MEGF6: variants seen among roughly 807,000 people sequenced by gnomAD.
The protein encoded by MEGF6 is multiple epidermal growth factor-like domains protein 6.
In MEGF6, 184 loss-of-function variants were observed where a neutral mutation model predicts 207.1. The ratio of observed to expected loss-of-function variants is 0.89; its 90% confidence interval spans 0.79 to 1.00. MEGF6 has a LOEUF of 1.00. MEGF6 is among the 50% of genes least tolerant of loss of function. MEGF6 has a pLI of 0.00. For synonymous variants in MEGF6, 1,038 were observed against 910.0 expected (o/e 1.14, Z -2.53); for missense variants, 2,282 against 2,202.9 (o/e 1.04, Z -0.72).
In MEGF6 at chr1:3,514,607, C is replaced by G; in HGVS notation, c.796G>C (p.Ala266Pro). Residue 266 changes from alanine to proline, a missense_variant, in exon 7 of 37, where the codon GCC becomes CCC. Transcript: ENST00000356575. ...MHRCQVVRGLARCECHVGYQL... is the reference protein window; with the variant it reads ...MHRCQVVRGLPRCECHVGYQL... ...TAGCCCACGTGGCACTCACAGCGGG[C>G]GAGGCCCCGGACCACCTGGCACCTG... 1.3e-6 allele frequency: 2 copies of G among 1,579,816 alleles called. No individual in the cohort carries two copies. The highest frequency in any genetic ancestry group is 1.7e-6 in the Non-Finnish European group (2 of 1,165,236).
chr1:3,529,169 C>T (rs1052459215), intron 4 of MEGF6, among the ~76,000 whole-genome samples: 3 of 152,180 alleles, frequency 2.0e-5, no homozygotes, highest in Non-Finnish European at 4.4e-5. Context: ...GCTGCCTACA[C>T]ACAGACCATG....
intron 1 of MEGF6, among the ~76,000 whole-genome samples, chr1:3,605,165 C>T (rs1644225032): frequency 6.6e-6 from 1 of 151,732 alleles, no homozygotes; most frequent in East Asian, 1.9e-4. Context: ...CAGTCACATA[C>T]ACCCTTACTC....
Position 3,511,689 on chromosome 1 carries a change from T to C in MEGF6, c.977-2A>G. On this transcript the variant is annotated splice_acceptor_variant, in intron 8 of 36. Transcript: ENST00000356575. LOFTEE classifies it high-confidence loss of function. ...TGTTCACGATTTCCATCTCAATCCCTGCCGTGAGACCAGCCACCCAGGGTA... is the reference window on the plus strand; with the variant it reads ...TGTTCACGATTTCCATCTCAATCCCCGCCGTGAGACCAGCCACCCAGGGTA... The C allele has an allele frequency of 2.5e-6, 4 of 1,602,202 alleles. No homozygotes were observed. The South Asian group carries it at 4.4e-5, about 18-fold the overall frequency.
At position 3,509,910 on chromosome 1, in the gene MEGF6, C is replaced by T. The variant is rs1308978074; in HGVS notation, c.1317G>A (p.Glu439=). 1 of 1,563,990 alleles carries T rather than the reference C, an allele frequency of 6.4e-7. No individual in the cohort carries two copies. Among genetic ancestry groups the T allele is most frequent in the South Asian group, 1.2e-5 (1 of 85,208 alleles). ...NLAGSFQCSC[E]AGYRLHEDRR... is the part of the protein sequence containing the mutation. ...GGTCCTCGTGCAGCCGGTAGCCGGC[C>T]TCGCAGGAGCACTGGAAGGAGCCGG... Residue 439 remains glutamate (E), a synonymous_variant, in exon 11 of 37, where the codon GAG becomes GAA. Transcript: ENST00000356575.
At chr1:3,535,522 T>C (rs953911370) in intron 4 of MEGF6, among the ~76,000 whole-genome samples, 2 of 152,142 alleles carry the variant, frequency 1.3e-5, no homozygotes, top group Admixed American at 1.3e-4. Flanking sequence ...AGGCTCCTCC[T>C]ATCCCGTAGC....
Position 3,509,102 on chromosome 1 carries a change from C to G in MEGF6, c.1501G>C (p.Gly501Arg). ...GADEEEAELRGEHTLTEKFVC... is the reference protein window; with the variant it reads ...GADEEEAELRREHTLTEKFVC... ...AACTTCTCTGTGAGCGTGTGTTCGCCCCGCAACTCTGCCTCTTCCTCATCG... is the reference window on the plus strand; with the variant it reads ...AACTTCTCTGTGAGCGTGTGTTCGCGCCGCAACTCTGCCTCTTCCTCATCG... Residue 501 changes from glycine to arginine, a missense_variant, in exon 12 of 37, where the codon GGC becomes CGC. Gly to Arg is a moderately radical substitution (Grantham distance 125, BLOSUM62 -2). Transcript: ENST00000356575. 3.1e-6 allele frequency: 5 copies of G among 1,599,472 alleles called. No individual in the cohort carries two copies. Among genetic ancestry groups the G allele is most frequent in the Non-Finnish European group, 4.3e-6 (5 of 1,174,092 alleles).
At position 3,512,146 on chromosome 1, in the gene MEGF6, C is replaced by T. The variant is rs755882471; in HGVS notation, c.854-18G>A. 2.2e-5 allele frequency: 35 copies of T among 1,589,646 alleles called. No homozygotes were observed. The highest frequency in any genetic ancestry group is 2.9e-5 in the Non-Finnish European group (34 of 1,163,778). ...GTCCACATCTGGAGGGGAGAGACCA[C>T]AGGGAGGGCTCAGAGGTGCCAGGAA... On this transcript the variant is annotated intron_variant, in intron 7 of 36. Coordinates refer to ENST00000356575, the MANE Select transcript of MEGF6 (RefSeq NM_001409.4).
intron 5 of MEGF6, among the ~76,000 whole-genome samples, chr1:3,516,188 A>G (rs541933571): frequency 1.3e-5 from 2 of 152,338 alleles, no homozygotes; most frequent in Admixed American, 6.5e-5. Flanking sequence ...AGGTTGGCCC[A>G]GTGGGTGCCT....
intron 3 of MEGF6, among the ~76,000 whole-genome samples, chr1:3,585,037 G>C (rs932763279): frequency 1.3e-5 from 2 of 152,080 alleles, no homozygotes; most frequent in Admixed American, 1.3e-4. Flanking sequence ...AGTGACACAC[G>C]TCCTGTGTGT....
At chr1:3,604,942 C>T (rs1474880223) in intron 1 of MEGF6, among the ~76,000 whole-genome samples, 1 of 152,048 alleles carries the variant, frequency 6.6e-6, no homozygotes, top group African/African-American at 2.4e-5. Context: ...GACTACAGCA[C>T]CCATGGGGGA....
chr1:3,499,269 G>A lies in MEGF6; in HGVS notation c.2966-3C>T. ...CCCGTAGGTGTGGGCTGGGCAGGCT[G>A]CAGGTGGAGAGGGCTGGTCAGAGCC... is the stretch of plus-strand genomic sequence containing the variant. On this transcript the variant is annotated splice_polypyrimidine_tract_variant and splice_region_variant and intron_variant, in intron 23 of 36. Transcript: ENST00000356575. The A allele has an allele frequency of 6.2e-7, 1 of 1,602,644 alleles. No individual in the cohort carries two copies. Among genetic ancestry groups the A allele is most frequent in the Non-Finnish European group, 8.5e-7 (1 of 1,175,646 alleles).
intron 4 of MEGF6, among the ~76,000 whole-genome samples, chr1:3,551,782 G>A (rs1365966740): frequency 5.3e-5 from 8 of 152,146 alleles, no homozygotes. Context: ...CAGCAGGGCT[G>A]CGACTTCCAT....
intron 7 of MEGF6, among the ~76,000 whole-genome samples, chr1:3,513,595 T>C (rs1641431323): frequency 1.4e-5 from 2 of 139,090 alleles, no homozygotes; most frequent in African/African-American, 5.5e-5. Flanking sequence ...TTTTTTTTTT[T>C]TTTTTTTTTT....
At chr1:3,507,334 C>T (rs1641154849) in intron 14 of MEGF6, among the ~76,000 whole-genome samples, 2 of 152,186 alleles carry the variant, frequency 1.3e-5, no homozygotes, top group Admixed American at 1.3e-4. Context: ...ATTTTCTGGA[C>T]TAATTCCTCC....
chr1:3,568,143 C>T (rs1643399124), intron 4 of MEGF6, among the ~76,000 whole-genome samples: 1 of 152,182 alleles, frequency 6.6e-6, no homozygotes. Flanking sequence ...TGCAATTTGA[C>T]TCGTCAACAT....
At chr1:3,577,256 G>A (rs890386492) in intron 4 of MEGF6, among the ~76,000 whole-genome samples, 1 of 152,160 alleles carries the variant, frequency 6.6e-6, no homozygotes, top group African/African-American at 2.4e-5. Flanking sequence ...CAGGAGGCCC[G>A]CTACCCAAGG....
At chr1:3,623,998 C>A in the MEGF6 span, among the ~76,000 whole-genome samples, 1 of 152,206 alleles carries the variant, frequency 6.6e-6, no homozygotes, top group African/African-American at 2.4e-5. Flanking sequence ...CGGTTCTCAT[C>A]CCGGCGATTC....
At chr1:3,508,416 G>T in intron 13 of MEGF6, 142 bp downstream of exon 13, 2 of 898,018 alleles carry the variant, frequency 2.2e-6, no homozygotes, top group South Asian at 1.8e-5. Flanking sequence ...ATTAACAAAT[G>T]GATGAATGAA....
chr1:3,615,039 C>G (rs888188900), upstream of MEGF6, among the ~76,000 whole-genome samples: 2 of 152,238 alleles, frequency 1.3e-5, no homozygotes, highest in African/African-American at 2.4e-5. Context: ...AACGACGGCA[C>G]AGCCAGTACC....
Sources: gnomAD v4.1 joint callset for allele counts (sites outside exome capture counted in the v4.1 genomes callset) on GRCh38, gnomAD v4.1.1 for gene constraint, MANE v1.5 for transcripts, NCBI Gene and HGNC (gene_info 2026-07-23, HGNC 2026-07-21) for gene names.